Variants in SGCZ observed in about 807,000 individuals in gnomAD.
SGCZ encodes the protein sarcoglycan zeta.
SGCZ carries 40 observed loss-of-function variants against 41.3 expected under a neutral mutation model. The ratio of observed to expected loss-of-function variants is 0.97; its 90% CI spans 0.75 to 1.26. The LOEUF is 1.26. Ranked by LOEUF, SGCZ falls within the 50% of genes most tolerant of loss-of-function variation. SGCZ has a pLI of 0.00. For missense variants in SGCZ, 552 were observed against 369.8 expected (o/e 1.49, Z -4.04); for synonymous variants, 206 against 137.5 (o/e 1.50, Z -3.49).
intron 1 of SGCZ, among the ~76,000 whole-genome samples, chr8:14,869,241 C>T (rs868404953): frequency 2.6e-5 from 4 of 152,082 alleles, no homozygotes; most frequent in Non-Finnish European, 4.4e-5. Flanking sequence ...GTATCCACCA[C>T]GATTAAGTTG....
At chr8:14,923,934 G>A (rs1056804700) in intron 1 of SGCZ, among the ~76,000 whole-genome samples, 2 of 152,102 alleles carry the variant, frequency 1.3e-5, no homozygotes, top group East Asian at 1.9e-4. Flanking sequence ...ACAGAAAGAA[G>A]CCTTCTCAGA....
intron 1 of SGCZ, among the ~76,000 whole-genome samples, chr8:14,766,531 T>C (rs1365165043): frequency 6.6e-6 from 1 of 151,986 alleles, no homozygotes; most frequent in Non-Finnish European, 1.5e-5. Context: ...TAATACTTAA[T>C]CCATTTTTAG....
intron 1 of SGCZ, among the ~76,000 whole-genome samples, chr8:14,980,454 G>A (rs1034523063): frequency 3.9e-5 from 6 of 152,072 alleles, no homozygotes; most frequent in African/African-American, 1.2e-4. Flanking sequence ...CTATCTATCT[G>A]TGTTAGTCTG....
At chr8:14,282,653 C>G (rs17230050) in intron 3 of SGCZ, among the ~76,000 whole-genome samples, 3,407 of 152,174 alleles carry the variant, frequency 0.022, 58 homozygotes, top group Non-Finnish European at 0.036. Context: ...CAAACTGAAG[C>G]CTGCATATTC....
intron 5 of SGCZ, among the ~76,000 whole-genome samples, chr8:14,113,275 T>C (rs1161691957): frequency 6.6e-6 from 1 of 152,166 alleles, no homozygotes; most frequent in Non-Finnish European, 1.5e-5. Context: ...AAAATATCTT[T>C]ACTAATTTTC....
At chr8:15,079,533 G>C (rs746148705) in intron 1 of SGCZ, among the ~76,000 whole-genome samples, 11 of 152,152 alleles carry the variant, frequency 7.2e-5, no homozygotes, top group Non-Finnish European at 1.3e-4. Context: ...TGAGAATTTA[G>C]TAACTTTACT....
chr8:14,398,334 T>G (rs538589495), intron 2 of SGCZ, among the ~76,000 whole-genome samples: 3 of 152,278 alleles, frequency 2.0e-5, no homozygotes, highest in African/African-American at 4.8e-5. Context: ...GCTATACACC[T>G]TGAAGGTGTC....
intron 2 of SGCZ, among the ~76,000 whole-genome samples, chr8:14,547,168 ACT>A (rs1249098153): frequency 2.6e-5 from 4 of 152,160 alleles, no homozygotes; most frequent in African/African-American, 7.2e-5. Flanking sequence ...ATAATTTGAC[ACT>A]CTGTTCATTA....
At chr8:14,127,235 C>T (rs963307483) in intron 5 of SGCZ, among the ~76,000 whole-genome samples, 1 of 151,984 alleles carries the variant, frequency 6.6e-6, no homozygotes, top group African/African-American at 2.4e-5. Context: ...GTCTGGTTCC[C>T]GTTCTGCCAC....
intron 1 of SGCZ, among the ~76,000 whole-genome samples, chr8:14,733,929 A>C (rs1242995792): frequency 6.6e-6 from 1 of 152,232 alleles, no homozygotes; most frequent in Admixed American, 6.5e-5. Context: ...TGGATACTCA[A>C]TCAAAGCAAA....
intron 2 of SGCZ, among the ~76,000 whole-genome samples, chr8:14,445,387 C>T (rs1400688286): frequency 6.6e-6 from 1 of 152,138 alleles, no homozygotes. Flanking sequence ...CTATAAAGAC[C>T]CCAGACTCAC....
At chr8:14,319,015 A>G (rs1265951037) in intron 3 of SGCZ, among the ~76,000 whole-genome samples, 2 of 151,884 alleles carry the variant, frequency 1.3e-5, no homozygotes, top group Non-Finnish European at 2.9e-5. Context: ...ATCGTAGAAA[A>G]ACTCTAGATG....
chr8:15,090,740 A>G (rs971385676), intron 1 of SGCZ, among the ~76,000 whole-genome samples: 1 of 152,156 alleles, frequency 6.6e-6, no homozygotes, highest in Non-Finnish European at 1.5e-5. Flanking sequence ...GAGTCGATAA[A>G]ACACCTAGTT....
chr8:14,444,889 C>T (rs1168059682), intron 2 of SGCZ, among the ~76,000 whole-genome samples: 1 of 152,098 alleles, frequency 6.6e-6, no homozygotes, highest in African/African-American at 2.4e-5. Context: ...ACCTGTGGGA[C>T]TAATAAAACT....
intron 5 of SGCZ, among the ~76,000 whole-genome samples, chr8:14,132,740 T>G (rs1803079977): frequency 6.6e-6 from 1 of 152,170 alleles, no homozygotes; most frequent in Non-Finnish European, 1.5e-5. Flanking sequence ...TTTCTTTGTA[T>G]GAATTGTGAC....
rs571642368 is a variant in SGCZ, at chr8:14,372,850, G to A, written c.235-48646C>T. 8.5e-4 allele frequency among the ~76,000 whole-genome samples: 130 copies of A among 152,260 alleles called. 1 individual carries two copies. The highest frequency in any genetic ancestry group is 2.9e-3 in the African/African-American group (121 of 41,560). ...CCGTGAGGTGATGAGACGTGTTGTA[G>A]AGAAGCAGTAGCAGTTCACGAGGGA... On this transcript the variant is annotated intron_variant, in intron 2 of 7. Coordinates refer to ENST00000382080, the MANE Select transcript of SGCZ (RefSeq NM_139167.4).
chr8:14,537,848 C>T (rs926801774), intron 2 of SGCZ, among the ~76,000 whole-genome samples: 7 of 151,774 alleles, frequency 4.6e-5, no homozygotes, highest in African/African-American at 1.7e-4. Context: ...GTGTGAATTC[C>T]ATATCCTTAT....
intron 4 of SGCZ, among the ~76,000 whole-genome samples, chr8:14,223,270 TA>T (rs1005329441): frequency 9.2e-5 from 14 of 152,170 alleles, no homozygotes; most frequent in African/African-American, 3.4e-4. Flanking sequence ...TGGTGCACAC[TA>T]TTAAATTTTT....
chr8:14,848,450 T>C (rs1269884437), intron 1 of SGCZ, among the ~76,000 whole-genome samples: 1 of 152,186 alleles, frequency 6.6e-6, no homozygotes, highest in Admixed American at 6.5e-5. Flanking sequence ...CTCATTTCAA[T>C]AGACATTATA....
Sources: allele counts gnomAD v4.1 joint callset (sites outside exome capture counted in the v4.1 genomes callset), GRCh38; gene constraint gnomAD v4.1.1; transcripts MANE v1.5; gene names NCBI Gene and HGNC (gene_info 2026-07-23, HGNC 2026-07-21).